ARMC2: variants seen among roughly 807,000 people sequenced by gnomAD.
The protein encoded by ARMC2 is armadillo repeat containing 2, also known as armadillo repeat-containing protein 2.
A neutral mutation model predicts 90.3 loss-of-function variants in ARMC2; 67 were observed. The observed-to-expected ratio is 0.74, with a 90% CI of 0.61 to 0.91. ARMC2 has a LOEUF of 0.91. ARMC2 is among the 40% of genes least tolerant of loss of function. The pLI is 0.00. For synonymous variants in ARMC2, 393 were observed against 393.0 expected (o/e 1.00, Z 0.00); for missense variants, 920 against 1,030.9 (o/e 0.89, Z 1.47).
chr6:108,958,213 C>T (rs192865738), intron 13 of ARMC2, among the ~76,000 whole-genome samples: 111 of 152,094 alleles, frequency 7.3e-4, no homozygotes, highest in Non-Finnish European at 1.4e-3. Context: ...ATGCAGCCTC[C>T]CTGATCTTGG....
At chr6:108,907,230 A>T (rs1006797872) in intron 8 of ARMC2, among the ~76,000 whole-genome samples, 2 of 151,950 alleles carry the variant, frequency 1.3e-5, no homozygotes, top group African/African-American at 4.8e-5. Flanking sequence ...AAAATGTAAG[A>T]TTTGTTGGGG....
intron 1 of ARMC2, among the ~76,000 whole-genome samples, chr6:108,850,549 A>G (rs1773899411): frequency 6.6e-6 from 1 of 152,196 alleles, no homozygotes; most frequent in Admixed American, 6.5e-5. Flanking sequence ...ACTCTGTGCC[A>G]GGCAACTTGA....
At chr6:109,022,645 A>C in the ARMC2 span, among the ~76,000 whole-genome samples, 1 of 151,756 alleles carries the variant, frequency 6.6e-6, no homozygotes, top group Non-Finnish European at 1.5e-5. Context: ...CGATCTCCTG[A>C]CCTCGTGATC....
intron 12 of ARMC2, among the ~76,000 whole-genome samples, chr6:108,950,442 C>T (rs1460260036): frequency 6.6e-6 from 1 of 152,086 alleles, no homozygotes; most frequent in African/African-American, 2.4e-5. Flanking sequence ...ACCATGCGGC[C>T]ATAAAAAAGA....
the ARMC2 span, among the ~76,000 whole-genome samples, chr6:109,036,012 C>T: frequency 5.3e-5 from 8 of 152,132 alleles, no homozygotes; most frequent in Admixed American, 2.0e-4. Flanking sequence ...TTATTAAAAT[C>T]AAAGACTTTC....
At chr6:108,884,234 C>T (rs374119705) in intron 5 of ARMC2, among the ~76,000 whole-genome samples, 1 of 152,080 alleles carries the variant, frequency 6.6e-6, no homozygotes, top group Admixed American at 6.5e-5. Context: ...AGCTTACCAG[C>T]GTGTCAGGCC....
At chr6:108,929,403 G>A (rs1171629165) in intron 11 of ARMC2, among the ~76,000 whole-genome samples, 1 of 152,022 alleles carries the variant, frequency 6.6e-6, no homozygotes, top group Non-Finnish European at 1.5e-5. Context: ...ATTCTGTTTG[G>A]TTTATCCTCA....
chr6:108,970,090 A>G (rs1407820718), intron 17 of ARMC2, among the ~76,000 whole-genome samples: 2 of 152,056 alleles, frequency 1.3e-5, no homozygotes, highest in Non-Finnish European at 2.9e-5. Context: ...AGCCTCTGCT[A>G]CTCTTTGCAG....
chr6:108,886,890 T>G (rs75220515), intron 5 of ARMC2, among the ~76,000 whole-genome samples: 16,941 of 149,760 alleles, frequency 0.11, 1,234 homozygotes, highest in Non-Finnish European at 0.17. Context: ...ATAGTTTTTT[T>G]TTTGTTTGTT....
chr6:108,973,321 C>T, intron 17 of ARMC2, 36 bp from the exon 18 acceptor site: 1 of 1,560,286 alleles, frequency 6.4e-7, no homozygotes. Flanking sequence ...GATTACATTT[C>T]TAAATAATGC....
intron 3 of ARMC2, among the ~76,000 whole-genome samples, chr6:108,864,712 G>T (rs1215061941): frequency 6.6e-6 from 1 of 152,182 alleles, no homozygotes; most frequent in African/African-American, 2.4e-5. Flanking sequence ...AGGATCGGGG[G>T]AGACCCTGTT....
intron 3 of ARMC2, among the ~76,000 whole-genome samples, chr6:108,864,379 G>C (rs775233313): frequency 3.3e-5 from 5 of 151,254 alleles, no homozygotes; most frequent in Middle Eastern, 3.2e-3. Context: ...CTCCCAAGTA[G>C]CTGGGACTAC....
intron 5 of ARMC2, among the ~76,000 whole-genome samples, chr6:108,885,729 ATATC>A (rs1562351734): frequency 6.6e-6 from 1 of 152,138 alleles, no homozygotes; most frequent in Non-Finnish European, 1.5e-5. Context: ...TGGAAACTGT[ATATC>A]TAGTGCTTTA....
At chr6:108,966,686 G>A (rs1222800641) in intron 17 of ARMC2, among the ~76,000 whole-genome samples, 1 of 151,848 alleles carries the variant, frequency 6.6e-6, no homozygotes, top group Non-Finnish European at 1.5e-5. Context: ...AACTGACTCA[G>A]GTTGCAGGGA....
intron 11 of ARMC2, among the ~76,000 whole-genome samples, chr6:108,929,692 C>T (rs575930778): frequency 3.9e-5 from 6 of 152,184 alleles, no homozygotes; most frequent in Non-Finnish European, 8.8e-5. Flanking sequence ...TATGTTGCCC[C>T]GGCTGGTCTC....
At chr6:108,892,017 C>A (rs1470596989) in intron 5 of ARMC2, among the ~76,000 whole-genome samples, 1 of 152,126 alleles carries the variant, frequency 6.6e-6, no homozygotes, top group Non-Finnish European at 1.5e-5. Context: ...GGGATACATG[C>A]GTGTGGTATT....
chr6:108,998,409 C>T, the ARMC2 span: 2 of 1,375,634 alleles, frequency 1.5e-6, no homozygotes, highest in African/African-American at 1.4e-5. Flanking sequence ...AATATCTCCA[C>T]AGTCTTAACA....
At chr6:108,988,470 C>T in the ARMC2 span, 2 of 1,360,384 alleles carry the variant, frequency 1.5e-6, no homozygotes, top group Non-Finnish European at 1.0e-6. Context: ...GGTTTCAGCA[C>T]CATTAGGTTA....
At chr6:109,045,249 A>G in the ARMC2 span, among the ~76,000 whole-genome samples, 2 of 151,622 alleles carry the variant, frequency 1.3e-5, no homozygotes, top group African/African-American at 2.4e-5. Context: ...CCTATCCTCA[A>G]CCTCACTCCC....
Sources: gnomAD v4.1 joint callset for allele counts (sites outside exome capture counted in the v4.1 genomes callset) on GRCh38, gnomAD v4.1.1 for gene constraint, MANE v1.5 for transcripts, NCBI Gene and HGNC (gene_info 2026-07-23, HGNC 2026-07-21) for gene names.